The following GNG2 variants were observed in gnomAD, a reference collection of about 807,000 sequenced individuals.
GNG2 encodes G protein subunit gamma 2, also known as guanine nucleotide-binding protein G(I)/G(S)/G(O) subunit gamma-2.
Under a neutral mutation model 5.5 loss-of-function variants are expected in GNG2, and 5 were observed. That is an observed-to-expected ratio of 0.91 (90% CI 0.48 to 1.92). The LOEUF is 1.92. GNG2 is among the 30% of genes most tolerant of loss of function. The pLI is 0.01. For missense variants in GNG2, 55 were observed against 88.4 expected (o/e 0.62, Z 1.52); for synonymous variants, 28 against 32.0 (o/e 0.88, Z 0.42).
intron 2 of GNG2, among the ~76,000 whole-genome samples, chr14:51,896,770 A>T (rs1885216991): frequency 6.6e-6 from 1 of 152,232 alleles, no homozygotes; most frequent in South Asian, 2.1e-4. Context: ...TAGATGGCCA[A>T]AATATAACAA....
chr14:51,934,105 G>A (rs1887821885), intron 2 of GNG2, among the ~76,000 whole-genome samples: 1 of 152,172 alleles, frequency 6.6e-6, no homozygotes, highest in Non-Finnish European at 1.5e-5. Flanking sequence ...AAAGAGGCAG[G>A]ATTGCTGAGT....
At chr14:51,928,080 G>T (rs188271716) in intron 2 of GNG2, among the ~76,000 whole-genome samples, 5 of 130,622 alleles carry the variant, frequency 3.8e-5, no homozygotes, top group African/African-American at 1.5e-4. Flanking sequence ...ATCCAGGCTC[G>T]ACTGCAGTGG....
At chr14:51,842,716 G>C (rs1358470010) in intron 2 of GNG2, among the ~76,000 whole-genome samples, 2 of 151,090 alleles carry the variant, frequency 1.3e-5, no homozygotes, top group Non-Finnish European at 2.9e-5. Flanking sequence ...CCAGGCTGGA[G>C]TGCAGTGGCA....
chr14:51,890,876 C>T (rs777694570), intron 2 of GNG2, among the ~76,000 whole-genome samples: 37 of 98,788 alleles, frequency 3.7e-4, no homozygotes, highest in Non-Finnish European at 6.8e-4. Flanking sequence ...AGTTTATTAA[C>T]ATGTTTATTT....
chr14:51,857,249 A>G (rs1237246130), upstream of GNG2, among the ~76,000 whole-genome samples: 1 of 152,196 alleles, frequency 6.6e-6, no homozygotes, highest in Non-Finnish European at 1.5e-5. Flanking sequence ...GTCCTAAAGG[A>G]TAAGTAGGGG....
chr14:51,952,024 C>A, intron 3 of GNG2: 2 of 632,150 alleles, frequency 3.2e-6, no homozygotes, highest in South Asian at 1.8e-5. Context: ...GGGTATGATT[C>A]AGGCATCAGT....
At chr14:51,838,983 C>G (rs150976443) in intron 2 of GNG2, among the ~76,000 whole-genome samples, 1 of 152,224 alleles carries the variant, frequency 6.6e-6, no homozygotes, top group South Asian at 2.1e-4. Context: ...ATCTCCATTA[C>G]AGTGTGCTAA....
At chr14:51,884,928 TGAGAG>T (rs1410685961) in intron 2 of GNG2, among the ~76,000 whole-genome samples, 1 of 152,088 alleles carries the variant, frequency 6.6e-6, no homozygotes, top group Admixed American at 6.5e-5. Context: ...CAACTCGAGT[TGAGAG>T]GAGAGGTCTC....
chr14:51,892,536 T>A (rs55735601), intron 2 of GNG2, among the ~76,000 whole-genome samples: 1 of 152,016 alleles, frequency 6.6e-6, no homozygotes, highest in Non-Finnish European at 1.5e-5. Flanking sequence ...TCACTTCAAG[T>A]GATCCTCCAA....
chr14:51,960,436 G>A (rs1253642), intron 3 of GNG2, among the ~76,000 whole-genome samples: 71,111 of 148,716 alleles, frequency 0.48, 17,522 homozygotes, highest in Non-Finnish European at 0.57. Context: ...AACAATATTC[G>A]TGTCTATAAA....
chr14:51,913,880 T>C (rs951635498), intron 2 of GNG2, among the ~76,000 whole-genome samples: 1 of 152,260 alleles, frequency 6.6e-6, no homozygotes, highest in African/African-American at 2.4e-5. Context: ...ATGTATATAA[T>C]TTATGCATAT....
chr14:51,909,126 T>C (rs1036720245), intron 2 of GNG2, among the ~76,000 whole-genome samples: 2 of 152,206 alleles, frequency 1.3e-5, no homozygotes, highest in African/African-American at 2.4e-5. Flanking sequence ...TGTCAGTATA[T>C]AGAATTCATT....
At chr14:51,850,215 C>T (rs1720363324) in intron 2 of GNG2, among the ~76,000 whole-genome samples, 1 of 152,002 alleles carries the variant, frequency 6.6e-6, no homozygotes, top group African/African-American at 2.4e-5. Context: ...GTTTTTTGCA[C>T]TCCCACCCTT....
rs138955766 is a variant in GNG2, at chr14:51,874,133, T to G, written c.-70-3484T>G. On this transcript the variant is annotated intron_variant, in intron 1 of 3. Transcript: ENST00000556766. ...TTTAAGACTGTTTCTAAATTCACTT[T>G]AAGAAGCCTGGGGCCAGGCACAGTG... 1.2e-4 allele frequency: 19 copies of G among 152,380 alleles called. No homozygotes were observed. In the East Asian group the frequency reaches 1.9e-3, roughly 15 times the overall value. 9.4% of individuals were successfully genotyped at this position (152,380 alleles called of 1,614,324 possible).
intron 2 of GNG2, among the ~76,000 whole-genome samples, chr14:51,843,200 A>C (rs1349470735): frequency 6.6e-6 from 1 of 152,188 alleles, no homozygotes; most frequent in Non-Finnish European, 1.5e-5. Flanking sequence ...CTTCTATATT[A>C]ATGCAAATAT....
At chr14:51,850,750 A>G (rs1257629554) in intron 2 of GNG2, among the ~76,000 whole-genome samples, 1 of 152,192 alleles carries the variant, frequency 6.6e-6, no homozygotes, top group Non-Finnish European at 1.5e-5. Flanking sequence ...TAGAAGGTGA[A>G]GAGGGTTCAG....
intron 2 of GNG2, among the ~76,000 whole-genome samples, chr14:51,847,875 CTTTTTCTTTTTT>C (rs1881699960): frequency 1.5e-5 from 1 of 66,148 alleles, no homozygotes; most frequent in Admixed American, 2.4e-4. Flanking sequence ...AATACAGGTC[CTTTTTCTTTTTT>C]TTTTTTTTTT....
At chr14:51,845,354 T>C (rs1402620893) in intron 2 of GNG2, among the ~76,000 whole-genome samples, 1 of 152,058 alleles carries the variant, frequency 6.6e-6, no homozygotes, top group African/African-American at 2.4e-5. Flanking sequence ...TAGTCAGGCA[T>C]GGTGGTGCGC....
rs1889942236 is a variant in GNG2 at position 51,966,736 on chromosome 14, T to C, written c.*49T>C. On this transcript the variant is annotated 3_prime_UTR_variant, in exon 4 of 4. Coordinates refer to ENST00000556766, the MANE Select transcript of GNG2 (RefSeq NM_053064.5). ...CCTCCGGGCTCCTGGGACATTGATG[T>C]AGAGTTTTTAGTGAAGTGGGCACCT... is the stretch of plus-strand genomic sequence containing the variant. 6.4e-7 allele frequency: 1 copy of C among 1,552,592 alleles called. No homozygotes were observed. The highest frequency in any genetic ancestry group is 1.4e-5 in the African/African-American group (1 of 73,708).
Sources: allele counts gnomAD v4.1 joint callset (sites outside exome capture counted in the v4.1 genomes callset), GRCh38; gene constraint gnomAD v4.1.1; transcripts MANE v1.5; gene names NCBI Gene and HGNC (gene_info 2026-07-23, HGNC 2026-07-21).